HERC3: variants seen among roughly 807,000 people sequenced by gnomAD.
HERC3 encodes probable E3 ubiquitin-protein ligase HERC3.
A neutral mutation model predicts 129.9 loss-of-function variants in HERC3; 58 were observed. The ratio of observed to expected loss-of-function variants is 0.45; its 90% CI spans 0.36 to 0.56. The LOEUF (loss-of-function observed/expected upper bound fraction) is 0.56, where lower values mean the gene tolerates loss of function less well. HERC3 is among the 20% of genes least tolerant of loss of function. The pLI is 0.00. For missense variants in HERC3, 835 were observed against 1,244.2 expected, an observed-to-expected ratio of 0.67 and a Z score of 4.95; for synonymous variants, 430 against 451.0, an observed-to-expected ratio of 0.95 and a Z score of 0.59.
At chr4:88,690,750 T>C (rs1264369763) in intron 23 of HERC3, 3 of 319,278 alleles carry the variant, frequency 9.4e-6, no homozygotes, top group African/African-American at 6.7e-5. Context: ...TTTTGTTCTC[T>C]TTCTGAGTCT....
chr4:88,532,301 G>A, the HERC3 span, among the ~76,000 whole-genome samples: 4 of 152,162 alleles, frequency 2.6e-5, no homozygotes, highest in Admixed American at 2.6e-4. Flanking sequence ...GCGGGAGAAA[G>A]CTGGTGATAT....
At chr4:88,654,561 A>C (rs145172113) in intron 7 of HERC3, among the ~76,000 whole-genome samples, 17 of 148,680 alleles carry the variant, frequency 1.1e-4, no homozygotes, top group African/African-American at 4.2e-4. Context: ...TTTTATGTAT[A>C]TATAATATAT....
chr4:88,674,398 C>T (rs1424447426), intron 16 of HERC3, among the ~76,000 whole-genome samples: 1 of 152,186 alleles, frequency 6.6e-6, no homozygotes, highest in East Asian at 1.9e-4. Context: ...TCTGTAATGC[C>T]AGAACTGTTT....
intron 23 of HERC3, among the ~76,000 whole-genome samples, chr4:88,691,983 G>T (rs527514251): frequency 2.0e-5 from 3 of 152,296 alleles, no homozygotes; most frequent in African/African-American, 7.2e-5. Context: ...TACCAATTCT[G>T]TATTCATAAT....
At chr4:88,591,747 C>A (rs1219477050), upstream of HERC3, among the ~76,000 whole-genome samples, 2 of 152,244 alleles carry the variant, frequency 1.3e-5, no homozygotes, top group Middle Eastern at 3.4e-3. Context: ...TGGAAGAGGA[C>A]AAACTTTTAA....
chr4:88,680,061 C>T lies in HERC3; in HGVS notation c.2197-32C>T, dbSNP rs376932867. The stretch of plus-strand genomic sequence containing the variant: ...GAGATAAAATGTGTCATAGATTTCC[C>T]GGAAGCATTAATTCTATTCTATTAT... On this transcript the variant is annotated intron_variant, in intron 19 of 25. Coordinates refer to ENST00000402738, the MANE Select transcript of HERC3 (RefSeq NM_014606.3). 27 of 1,572,902 alleles carry T rather than the reference C, an allele frequency of 1.7e-5. No individual in the cohort carries two copies. The African/African-American group carries it at 1.9e-4, about 11-fold the overall frequency.
Position 88,686,713 on chromosome 4 carries a change from C to G in HERC3, c.2508-23C>G, listed in dbSNP as rs779353723. The G allele has an allele frequency of 8.3e-6, 13 of 1,562,768 alleles. No homozygotes were observed. In the South Asian group the frequency reaches 1.4e-4, roughly 17 times the overall value. On this transcript the variant is annotated intron_variant, in intron 21 of 25. Coordinates refer to ENST00000402738, the MANE Select transcript of HERC3 (RefSeq NM_014606.3). ...AGCAGTGTCTGACTTGCCACTTTTC[C>G]TTTTCTGTCATTCTATGATTAGGAG... is the stretch of plus-strand genomic sequence containing the variant.
chr4:88,602,176 T>C (rs1009843194), intron 2 of HERC3, among the ~76,000 whole-genome samples: 1 of 151,806 alleles, frequency 6.6e-6, no homozygotes, highest in Non-Finnish European at 1.5e-5. Flanking sequence ...CAAGGCGGGC[T>C]AATTACTTGA....
intron 16 of HERC3, among the ~76,000 whole-genome samples, chr4:88,673,354 A>G (rs541992830): frequency 6.6e-6 from 1 of 152,290 alleles, no homozygotes; most frequent in South Asian, 2.1e-4. Flanking sequence ...CCCCACTTGC[A>G]GCCACATTTA....
intron 3 of HERC3, among the ~76,000 whole-genome samples, chr4:88,616,920 C>A (rs1448060776): frequency 1.3e-5 from 2 of 152,018 alleles, no homozygotes; most frequent in Non-Finnish European, 2.9e-5. Flanking sequence ...AATCTCTAGC[C>A]TACTAGTGTG....
At chr4:88,544,717 C>T in the HERC3 span, among the ~76,000 whole-genome samples, 1 of 152,196 alleles carries the variant, frequency 6.6e-6, no homozygotes, top group Non-Finnish European at 1.5e-5. Context: ...GGCACATATA[C>T]ACCATGGAAT....
chr4:88,558,832 A>G, the HERC3 span, among the ~76,000 whole-genome samples: 3 of 151,664 alleles, frequency 2.0e-5, no homozygotes, highest in East Asian at 1.9e-4. Flanking sequence ...GCCAGGCATG[A>G]TGGTGGGCGC....
chr4:88,664,293 C>T, intron 12 of HERC3, 81 bp downstream of exon 12: 2 of 1,199,056 alleles, frequency 1.7e-6, no homozygotes, highest in Admixed American at 1.8e-5. Context: ...AGGAGGATTG[C>T]TTGAGTTTAG....
At chr4:88,618,869 A>G (rs545666614) in intron 3 of HERC3, among the ~76,000 whole-genome samples, 19 of 152,300 alleles carry the variant, frequency 1.2e-4, no homozygotes, top group Non-Finnish European at 2.5e-4. Context: ...AACTAACACT[A>G]TTTTTAAGTT....
At chr4:88,620,513 T>C (rs556414963) in intron 3 of HERC3, among the ~76,000 whole-genome samples, 2 of 152,144 alleles carry the variant, frequency 1.3e-5, no homozygotes, top group Non-Finnish European at 2.9e-5. Context: ...CCCATCTACA[T>C]AGGATCTGTC....
At chr4:88,622,905 G>A (rs1458376249) in intron 3 of HERC3, among the ~76,000 whole-genome samples, 1 of 152,162 alleles carries the variant, frequency 6.6e-6, no homozygotes, top group African/African-American at 2.4e-5. Flanking sequence ...CTCCAGCCTT[G>A]TGACAGAGTG....
Position 88,658,399 on chromosome 4 carries a change from A to ATTT in HERC3, c.1070-8_1070-6dup. On this transcript the variant is annotated splice_polypyrimidine_tract_variant and intron_variant, in intron 9 of 25. Coordinates refer to ENST00000402738, the MANE Select transcript of HERC3 (RefSeq NM_014606.3). The stretch of plus-strand genomic sequence containing the variant: ...AATTAATGAAAAATATGCTTTCGGA[A>ATTT]TTTTTTTTTTGACAGATCGCTTTAA... 1 of 1,403,484 alleles carries ATTT rather than the reference A, an allele frequency of 7.1e-7. No homozygotes were observed. 86.9% of individuals were successfully genotyped at this position (1,403,484 alleles called of 1,614,324 possible).
the HERC3 span, among the ~76,000 whole-genome samples, chr4:88,543,020 A>G: frequency 1.2e-4 from 18 of 152,314 alleles, no homozygotes; most frequent in Non-Finnish European, 2.2e-4. Context: ...CCCTTTGAAA[A>G]CTGTCACAAG....
chr4:88,636,635 A>G (rs1014237917), intron 3 of HERC3, among the ~76,000 whole-genome samples: 2 of 152,354 alleles, frequency 1.3e-5, no homozygotes, highest in South Asian at 2.1e-4. Flanking sequence ...CTCTGGATCA[A>G]GTGGACCTAA....
Sources: gnomAD v4.1 joint callset for allele counts (sites outside exome capture counted in the v4.1 genomes callset) on GRCh38, gnomAD v4.1.1 for gene constraint, MANE v1.5 for transcripts, NCBI Gene and HGNC (gene_info 2026-07-23, HGNC 2026-07-21) for gene names.